The following SEMA6D variants were observed in gnomAD, a reference collection of about 807,000 sequenced individuals.
The protein encoded by SEMA6D is semaphorin 6D, also known as semaphorin-6D.
Under a neutral mutation model 106.6 loss-of-function variants are expected in SEMA6D, and 35 were observed. That is an observed-to-expected ratio of 0.33 (90% CI 0.25 to 0.44). SEMA6D has a LOEUF of 0.44. Among genes scored for constraint, SEMA6D ranks in the 20% least tolerant of loss-of-function variants. The probability of loss-of-function intolerance (pLI) is 1.00; values close to 1 mark genes in which losing one functional copy is unlikely to be tolerated. For missense variants in SEMA6D, 1,185 were observed against 1,345.9 expected (o/e 0.88, Z 1.87); for synonymous variants, 499 against 487.7 (o/e 1.02, Z -0.31).
intron 3 of SEMA6D, among the ~76,000 whole-genome samples, chr15:47,579,959 G>A (rs2076226950): frequency 1.3e-5 from 2 of 152,166 alleles, no homozygotes; most frequent in African/African-American, 4.8e-5. Flanking sequence ...AAATTTAAAG[G>A]AAAGAGCATT....
intron 3 of SEMA6D, among the ~76,000 whole-genome samples, chr15:47,489,911 C>A (rs1225150806): frequency 6.6e-6 from 1 of 152,126 alleles, no homozygotes; most frequent in African/African-American, 2.4e-5. Context: ...TTCGGCCTCC[C>A]AAAGTGCTGG....
At chr15:47,449,133 T>C (rs2042112544) in intron 2 of SEMA6D, among the ~76,000 whole-genome samples, 1 of 152,002 alleles carries the variant, frequency 6.6e-6, no homozygotes, top group African/African-American at 2.4e-5. Flanking sequence ...CTTGGTGACT[T>C]CCCAAAACCC....
At chr15:47,338,913 C>T (rs150404434) in intron 1 of SEMA6D, among the ~76,000 whole-genome samples, 1,676 of 152,180 alleles carry the variant, frequency 0.011, 13 homozygotes, top group Non-Finnish European at 0.014. Context: ...CATTCCTGCA[C>T]CATACCATAG....
chr15:47,758,780 T>C (rs1238650532), intron 1 of SEMA6D, among the ~76,000 whole-genome samples: 2 of 152,222 alleles, frequency 1.3e-5, no homozygotes, highest in Non-Finnish European at 2.9e-5. Context: ...GTCATTTATG[T>C]TCTCCTTTCC....
intron 1 of SEMA6D, among the ~76,000 whole-genome samples, chr15:47,339,602 C>G (rs1180184601): frequency 6.6e-6 from 1 of 152,280 alleles, no homozygotes; most frequent in East Asian, 1.9e-4. Flanking sequence ...GGTGCAATGG[C>G]TCAAGCCTGT....
At chr15:47,197,202 C>T (rs1001615037) in intron 1 of SEMA6D, among the ~76,000 whole-genome samples, 1 of 152,104 alleles carries the variant, frequency 6.6e-6, no homozygotes, top group Non-Finnish European at 1.5e-5. Flanking sequence ...TTTTACTCTC[C>T]ATTATAGAAG....
intron 3 of SEMA6D, among the ~76,000 whole-genome samples, chr15:47,538,430 C>T (rs1331586757): frequency 6.6e-6 from 1 of 152,136 alleles, no homozygotes; most frequent in Non-Finnish European, 1.5e-5. Flanking sequence ...AAGTTGAGGT[C>T]TGGAAGAGCC....
At chr15:47,713,218 G>T (rs1270540432), upstream of SEMA6D, among the ~76,000 whole-genome samples, 1 of 152,078 alleles carries the variant, frequency 6.6e-6, no homozygotes, top group Non-Finnish European at 1.5e-5. Context: ...TTTCCTCAGA[G>T]TGTAGAGCAA....
At chr15:47,371,756 A>G (rs2039280664) in intron 1 of SEMA6D, among the ~76,000 whole-genome samples, 1 of 152,134 alleles carries the variant, frequency 6.6e-6, no homozygotes. Flanking sequence ...GCTTTAGGTC[A>G]CTTTTTCTGC....
intron 3 of SEMA6D, among the ~76,000 whole-genome samples, chr15:47,478,278 C>T (rs2043054441): frequency 6.6e-6 from 1 of 152,036 alleles, no homozygotes; most frequent in Non-Finnish European, 1.5e-5. Flanking sequence ...CATGTGAAAG[C>T]CTTGGAAGAG....
At chr15:47,389,939 A>G (rs1377496000) in intron 1 of SEMA6D, among the ~76,000 whole-genome samples, 1 of 152,200 alleles carries the variant, frequency 6.6e-6, no homozygotes, top group South Asian at 2.1e-4. Context: ...GTGAGCTTCA[A>G]TAAACATAAT....
At chr15:47,273,311 A>G (rs2034645968) in intron 1 of SEMA6D, among the ~76,000 whole-genome samples, 1 of 151,862 alleles carries the variant, frequency 6.6e-6, no homozygotes, top group Non-Finnish European at 1.5e-5. Context: ...AGTTGCCCAG[A>G]CAACAACATC....
Position 47,695,462 on chromosome 15 carries a change from C to T in SEMA6D, c.-54-64283C>T, listed in dbSNP as rs902619361. On this transcript the variant is annotated intron_variant, in intron 4 of 19. Transcript: ENST00000558014. ...GCTTTGTTAATCTGAATTATGGAAG[C>T]CCTGATAACCTCTACATAGGAAAGA... is the stretch of plus-strand genomic sequence containing the variant. Among the ~76,000 whole-genome samples the T allele has an allele frequency of 5.9e-5, 9 of 152,096 alleles. No homozygotes were observed. In the East Asian group the frequency reaches 1.2e-3, roughly 20 times the overall value.
At chr15:47,698,088 T>G (rs987760258) in intron 4 of SEMA6D, among the ~76,000 whole-genome samples, 2 of 152,248 alleles carry the variant, frequency 1.3e-5, no homozygotes, top group Non-Finnish European at 2.9e-5. Context: ...GTAGGATAAT[T>G]CACTTTTTCA....
intron 1 of SEMA6D, among the ~76,000 whole-genome samples, chr15:47,229,959 T>TATA (rs1183510302): frequency 1.3e-5 from 2 of 152,134 alleles, no homozygotes; most frequent in Non-Finnish European, 2.9e-5. Context: ...AGCTTTTTAG[T>TATA]ATAAACCTGT....
intron 1 of SEMA6D, among the ~76,000 whole-genome samples, chr15:47,193,868 G>A (rs1198024565): frequency 6.6e-6 from 1 of 151,820 alleles, no homozygotes; most frequent in African/African-American, 2.4e-5. Context: ...ATTCCTTATT[G>A]TCTCTTTAAT....
At chr15:47,326,655 C>G (rs961188835) in intron 1 of SEMA6D, among the ~76,000 whole-genome samples, 3 of 152,176 alleles carry the variant, frequency 2.0e-5, no homozygotes, top group Admixed American at 6.5e-5. Flanking sequence ...AGCTAAAGCT[C>G]AGAATGTGGA....
intron 3 of SEMA6D, among the ~76,000 whole-genome samples, chr15:47,483,677 ATATGAATTTTAG>A (rs1488917137): frequency 6.6e-6 from 1 of 152,154 alleles, no homozygotes; most frequent in African/African-American, 2.4e-5. Flanking sequence ...TGAGAGAACT[ATATGAATTTTAG>A]TATTCAGTTA....
chr15:47,760,051 T>C, intron 2 of SEMA6D, 144 bp downstream of exon 2: 1 of 708,656 alleles, frequency 1.4e-6, no homozygotes, highest in Non-Finnish European at 2.3e-6. Flanking sequence ...AGTAATCATT[T>C]CCTAGTGTTT....
Sources: gnomAD v4.1 joint callset for allele counts (sites outside exome capture counted in the v4.1 genomes callset) on GRCh38, gnomAD v4.1.1 for gene constraint, MANE v1.5 for transcripts, NCBI Gene and HGNC (gene_info 2026-07-23, HGNC 2026-07-21) for gene names.